The following GPR158 variants were observed in gnomAD, a reference collection of about 807,000 sequenced individuals.
GPR158 encodes the protein G protein-coupled receptor 158.
Under a neutral mutation model 78.2 loss-of-function variants are expected in GPR158, and 30 were observed. That is an observed-to-expected ratio of 0.38 (90% CI 0.29 to 0.52). The LOEUF (loss-of-function observed/expected upper bound fraction) is 0.52, where lower values mean the gene tolerates loss of function less well. Ranked by LOEUF, GPR158 falls within the 20% of genes least tolerant of loss-of-function variation. The pLI is 0.83. For missense variants in GPR158, 1,463 were observed against 1,523.5 expected (o/e 0.96, Z 0.66); for synonymous variants, 581 against 591.1 (o/e 0.98, Z 0.25).
intron 4 of GPR158, among the ~76,000 whole-genome samples, chr10:25,462,335 A>T (rs983048243): frequency 6.6e-6 from 1 of 152,212 alleles, no homozygotes; most frequent in East Asian, 1.9e-4. Context: ...TCAAAATATT[A>T]CTGCTCATTG....
At chr10:25,269,405 GTGTT>G (rs1247603848) in intron 2 of GPR158, among the ~76,000 whole-genome samples, 4 of 152,132 alleles carry the variant, frequency 2.6e-5, no homozygotes, top group African/African-American at 7.2e-5. Flanking sequence ...AATTTGAAAA[GTGTT>G]TGTTAATCCT....
chr10:25,586,931 A>G (rs998042140), intron 7 of GPR158, among the ~76,000 whole-genome samples: 2 of 152,244 alleles, frequency 1.3e-5, no homozygotes, highest in Non-Finnish European at 2.9e-5. Flanking sequence ...CCCTGAGACA[A>G]CAATATTGCC....
At chr10:25,461,728 A>G (rs1588874869) in intron 4 of GPR158, among the ~76,000 whole-genome samples, 2 of 145,792 alleles carry the variant, frequency 1.4e-5, no homozygotes, top group African/African-American at 2.6e-5. Context: ...GCCATCTAGG[A>G]CTTTCTTTTT....
chr10:25,208,561 TGTGTG>T (rs1564391707), intron 1 of GPR158, among the ~76,000 whole-genome samples: 1 of 10,492 alleles, frequency 9.5e-5, no homozygotes, highest in East Asian at 6.1e-3. Flanking sequence ...TGTGAATTTG[TGTGTG>T]TGTGTGTGTG....
chr10:25,327,251 AACACAC>A (rs141069877), intron 2 of GPR158, among the ~76,000 whole-genome samples: 3 of 149,078 alleles, frequency 2.0e-5, no homozygotes, highest in Non-Finnish European at 3.0e-5. Flanking sequence ...GACACTTACA[AACACAC>A]ACACACACAC....
At chr10:25,190,687 A>G (rs1852761406) in intron 1 of GPR158, among the ~76,000 whole-genome samples, 1 of 152,212 alleles carries the variant, frequency 6.6e-6, no homozygotes, top group African/African-American at 2.4e-5. Context: ...ACAGTTTTAA[A>G]TATTAAGAAT....
intron 4 of GPR158, among the ~76,000 whole-genome samples, chr10:25,462,589 A>G (rs1835370709): frequency 6.6e-6 from 1 of 152,236 alleles, no homozygotes; most frequent in Non-Finnish European, 1.5e-5. Context: ...GCCATTGAGA[A>G]CATTTATGAT....
At chr10:25,268,381 T>G (rs1443266267) in intron 2 of GPR158, among the ~76,000 whole-genome samples, 2 of 152,140 alleles carry the variant, frequency 1.3e-5, no homozygotes, top group Non-Finnish European at 2.9e-5. Flanking sequence ...TTAAATAAAA[T>G]ATTGGCCATA....
intron 2 of GPR158, among the ~76,000 whole-genome samples, chr10:25,356,996 G>C (rs919508054): frequency 2.0e-5 from 3 of 152,166 alleles, no homozygotes; most frequent in Middle Eastern, 3.4e-3. Context: ...GAACAATAAG[G>C]TCCGGGCTGA....
At chr10:25,284,378 CTCTT>C (rs1365388657) in intron 2 of GPR158, among the ~76,000 whole-genome samples, 1 of 151,872 alleles carries the variant, frequency 6.6e-6, no homozygotes, top group Non-Finnish European at 1.5e-5. Context: ...TGTAATGTCT[CTCTT>C]TATGTATGGT....
chr10:25,484,775 C>G (rs921445446), intron 5 of GPR158, among the ~76,000 whole-genome samples: 5 of 152,172 alleles, frequency 3.3e-5, no homozygotes, highest in African/African-American at 1.2e-4. Context: ...CCAGTAGTTA[C>G]TGTTTCTTCC....
chr10:25,544,358 T>C (rs1836631393), intron 5 of GPR158, among the ~76,000 whole-genome samples: 1 of 152,184 alleles, frequency 6.6e-6, no homozygotes, highest in African/African-American at 2.4e-5. Flanking sequence ...GAACTTCTTA[T>C]GGGTTCTTGT....
At chr10:25,231,051 G>A (rs1334032389) in intron 2 of GPR158, among the ~76,000 whole-genome samples, 1 of 152,190 alleles carries the variant, frequency 6.6e-6, no homozygotes. Flanking sequence ...CATTGTCCTT[G>A]TACTGGTAAT....
intron 2 of GPR158, among the ~76,000 whole-genome samples, chr10:25,353,643 A>G (rs1161254286): frequency 6.6e-6 from 1 of 152,068 alleles, no homozygotes; most frequent in Non-Finnish European, 1.5e-5. Flanking sequence ...TCCTCTGCAG[A>G]GCGGCTAAAA....
Position 25,406,771 on chromosome 10 carries a change from T to C in GPR158, c.1112-5479T>C, listed in dbSNP as rs189089119. Among the ~76,000 whole-genome samples the C allele has an allele frequency of 7.9e-5, 12 of 152,316 alleles. No homozygotes were observed. In the East Asian group the frequency reaches 2.1e-3, roughly 27 times the overall value. On this transcript the variant is annotated intron_variant, in intron 3 of 10. Coordinates refer to ENST00000376351, the MANE Select transcript of GPR158 (RefSeq NM_020752.3). ...TTTCTTTCCAGTTTACAAAACTGTA[T>C]TTAACATTCCATCTTATGACAATGT...
intron 2 of GPR158, among the ~76,000 whole-genome samples, chr10:25,256,967 C>G (rs530373893): frequency 6.6e-6 from 1 of 152,132 alleles, no homozygotes; most frequent in East Asian, 1.9e-4. Context: ...AAAACATTGT[C>G]TCAGGTACAG....
intron 4 of GPR158, among the ~76,000 whole-genome samples, chr10:25,449,045 A>G (rs1214436782): frequency 6.6e-6 from 1 of 152,142 alleles, no homozygotes; most frequent in Non-Finnish European, 1.5e-5. Context: ...GCATCCAAAA[A>G]CCTTGAATTT....
intron 4 of GPR158, among the ~76,000 whole-genome samples, chr10:25,430,197 A>AG (rs1396781335): frequency 2.0e-5 from 3 of 152,170 alleles, no homozygotes; most frequent in Non-Finnish European, 4.4e-5. Context: ...AAAAATCACA[A>AG]GCATTCTTAT....
chr10:25,246,913 T>A (rs1465870710), intron 2 of GPR158, among the ~76,000 whole-genome samples: 1 of 152,218 alleles, frequency 6.6e-6, no homozygotes, highest in Admixed American at 6.5e-5. Flanking sequence ...TTGTGTATGC[T>A]TATTAACAGG....
Sources: gnomAD v4.1 joint callset for allele counts (sites outside exome capture counted in the v4.1 genomes callset) on GRCh38, gnomAD v4.1.1 for gene constraint, MANE v1.5 for transcripts, NCBI Gene and HGNC (gene_info 2026-07-23, HGNC 2026-07-21) for gene names.